The following AOAH variants were observed in gnomAD, a reference collection of about 807,000 sequenced individuals.
AOAH encodes the protein acyloxyacyl hydrolase.
In AOAH, 64 loss-of-function variants were observed where a neutral mutation model predicts 92.2. That is an observed-to-expected ratio of 0.69 (90% CI 0.57 to 0.86). The LOEUF is 0.86. Ranked by LOEUF, AOAH falls within the 40% of genes least tolerant of loss-of-function variation. The pLI, the probability that AOAH is intolerant of heterozygous loss-of-function variation, is 0.00. For missense variants in AOAH, 656 were observed against 694.6 expected, an observed-to-expected ratio of 0.94 and a Z score of 0.62; for synonymous variants, 263 against 254.5, an observed-to-expected ratio of 1.03 and a Z score of -0.32.
intron 9 of AOAH, 149 bp downstream of exon 9, chr7:36,620,632 G>T (rs1188205745): frequency 2.1e-5 from 14 of 674,702 alleles, no homozygotes; most frequent in Non-Finnish European, 3.6e-5. Flanking sequence ...GCATCATCAG[G>T]ATTCTATACC....
At chr7:36,529,752 T>C (rs1013564625) in intron 19 of AOAH, among the ~76,000 whole-genome samples, 1 of 152,196 alleles carries the variant, frequency 6.6e-6, no homozygotes, top group African/African-American at 2.4e-5. Flanking sequence ...AAGATTACAG[T>C]CAATAAGCAA....
At chr7:36,599,787 TC>T (rs916355296) in intron 11 of AOAH, 2 of 152,344 alleles carry the variant, frequency 1.3e-5, no homozygotes, top group African/African-American at 2.4e-5. Flanking sequence ...AGTTGGCTCC[TC>T]CTCCGTCTGT....
At chr7:36,659,778 C>T (rs1327892185) in intron 3 of AOAH, among the ~76,000 whole-genome samples, 11 of 111,594 alleles carry the variant, frequency 9.9e-5, no homozygotes, top group Admixed American at 8.4e-4. Context: ...TTTTTTCCTG[C>T]GAGAGGTCAG....
At chr7:36,714,610 A>G (rs1041139703) in intron 1 of AOAH, among the ~76,000 whole-genome samples, 3 of 152,234 alleles carry the variant, frequency 2.0e-5, no homozygotes, top group Non-Finnish European at 4.4e-5. Context: ...CCAGCCTCAC[A>G]TCAAAAAGCT....
intron 13 of AOAH, among the ~76,000 whole-genome samples, chr7:36,553,877 A>G (rs1338982995): frequency 6.6e-6 from 1 of 152,032 alleles, no homozygotes; most frequent in Non-Finnish European, 1.5e-5. Flanking sequence ...TAGATTCTGG[A>G]TATTAGCCCT....
rs1789563561 is a variant in AOAH at position 36,589,125 on chromosome 7, C to G, written c.938+5214G>C. Among the ~76,000 whole-genome samples, 3 of 152,234 alleles carry G rather than the reference C, an allele frequency of 2.0e-5. 1 individual carries two copies. The South Asian group carries it at 6.2e-4, about 32-fold the overall frequency. ...ATCCTTGTCTGCAGAACCCTACTGA[C>G]TGGACTGACTCCTGGCCCCACCTTC... On this transcript the variant is annotated intron_variant, in intron 12 of 20. Transcript: ENST00000617537.
At chr7:36,575,862 T>C (rs558071579) in intron 13 of AOAH, among the ~76,000 whole-genome samples, 2 of 152,342 alleles carry the variant, frequency 1.3e-5, no homozygotes, top group African/African-American at 4.8e-5. Context: ...GTGCCAAGCC[T>C]AATTTGTTGA....
At chr7:36,663,558 A>C (rs1795344399) in intron 3 of AOAH, among the ~76,000 whole-genome samples, 6 of 152,226 alleles carry the variant, frequency 3.9e-5, no homozygotes, top group Admixed American at 2.6e-4. Context: ...TATAGTTGGA[A>C]TCATACTGCA....
intron 4 of AOAH, among the ~76,000 whole-genome samples, chr7:36,656,509 C>G (rs1018402659): frequency 4.9e-4 from 75 of 151,950 alleles, no homozygotes; most frequent in African/African-American, 1.8e-3. Flanking sequence ...GAGAGAGACC[C>G]AAGTTTAGGC....
chr7:36,565,768 G>A (rs1182615849), intron 13 of AOAH, among the ~76,000 whole-genome samples: 2 of 151,944 alleles, frequency 1.3e-5, no homozygotes, highest in East Asian at 3.9e-4. Context: ...TTGAACTCCT[G>A]AGAACATGCA....
intron 13 of AOAH, among the ~76,000 whole-genome samples, chr7:36,573,725 TAAA>T (rs945765839): frequency 6.6e-6 from 1 of 151,842 alleles, no homozygotes; most frequent in African/African-American, 2.4e-5. Context: ...CTCAAAAAAA[TAAA>T]AAAATGCGTT....
At chr7:36,701,115 T>C (rs1798007009) in intron 1 of AOAH, among the ~76,000 whole-genome samples, 1 of 152,092 alleles carries the variant, frequency 6.6e-6, no homozygotes, top group African/African-American at 2.4e-5. Context: ...CCTATTGTGG[T>C]ATTTCCAAAC....
At chr7:36,583,097 G>T (rs1378708684) in intron 12 of AOAH, among the ~76,000 whole-genome samples, 1 of 152,072 alleles carries the variant, frequency 6.6e-6, no homozygotes, top group African/African-American at 2.4e-5. Flanking sequence ...CTCTTGTTAG[G>T]CAATTTCTGA....
At chr7:36,596,330 CAAAAT>C (rs1245291085) in intron 11 of AOAH, among the ~76,000 whole-genome samples, 1 of 152,094 alleles carries the variant, frequency 6.6e-6, no homozygotes, top group Non-Finnish European at 1.5e-5. Context: ...AATGAGCACT[CAAAAT>C]AAATAAAATG....
At chr7:36,722,906 C>G (rs916574447) in intron 1 of AOAH, among the ~76,000 whole-genome samples, 1 of 143,768 alleles carries the variant, frequency 7.0e-6, no homozygotes, top group Non-Finnish European at 1.5e-5. Flanking sequence ...TGTACTCCAG[C>G]CCAGGTGACA....
chr7:36,646,124 A>G (rs1430090242), intron 4 of AOAH, among the ~76,000 whole-genome samples: 1 of 152,228 alleles, frequency 6.6e-6, no homozygotes, highest in Non-Finnish European at 1.5e-5. Context: ...AGTTCACACC[A>G]TAGAGGTTCT....
At chr7:36,695,917 C>T (rs573660484) in intron 1 of AOAH, among the ~76,000 whole-genome samples, 2 of 150,220 alleles carry the variant, frequency 1.3e-5, no homozygotes, top group African/African-American at 4.8e-5. Flanking sequence ...TAGCTCTTAC[C>T]TTTAGGTCTA....
chr7:36,547,641 G>C (rs1583786372), intron 15 of AOAH, among the ~76,000 whole-genome samples: 1 of 152,086 alleles, frequency 6.6e-6, no homozygotes, highest in Non-Finnish European at 1.5e-5. Context: ...ATTGCTACTG[G>C]GGAGTTGCTC....
At chr7:36,632,223 C>T in intron 5 of AOAH, 117 bp from the exon 6 acceptor site, 1 of 786,568 alleles carries the variant, frequency 1.3e-6, no homozygotes, top group Non-Finnish European at 2.1e-6. Context: ...AGAATCCAGC[C>T]CATTTCACCT....
Sources: allele counts gnomAD v4.1 joint callset (sites outside exome capture counted in the v4.1 genomes callset), GRCh38; gene constraint gnomAD v4.1.1; transcripts MANE v1.5; gene names NCBI Gene and HGNC (gene_info 2026-07-23, HGNC 2026-07-21).